LRRC9: variants seen among roughly 807,000 people sequenced by gnomAD.
The protein encoded by LRRC9 is leucine-rich repeat-containing protein 9.
LRRC9 carries 122 observed loss-of-function variants against 63.2 expected under a neutral mutation model. That is an observed-to-expected ratio of 1.93 (90% CI 1.67 to 2.24). The LOEUF (loss-of-function observed/expected upper bound fraction) is 2.24. Among genes scored for constraint, LRRC9 ranks in the 30% most tolerant of loss-of-function variants. LRRC9 has a pLI of 0.00. For synonymous variants in LRRC9, 366 were observed against 213.1 expected, an observed-to-expected ratio of 1.72 and a Z score of -6.25; for missense variants, 1,071 against 627.7, an observed-to-expected ratio of 1.71 and a Z score of -7.55.
chr14:60,006,248 G>C (rs1452435846), intron 21 of LRRC9, 149 bp from the exon 22 acceptor site: 2 of 517,712 alleles, frequency 3.9e-6, no homozygotes, highest in Non-Finnish European at 6.8e-6. Flanking sequence ...CCAAAACAAA[G>C]GCTTAAAGCA....
chr14:60,014,776 TCTTA>T (rs1270522147), intron 23 of LRRC9, among the ~76,000 whole-genome samples: 2 of 152,252 alleles, frequency 1.3e-5, no homozygotes, highest in African/African-American at 4.8e-5. Context: ...TTGCTTAGCT[TCTTA>T]CTTAGTTTCT....
chr14:59,952,339 T>A (rs938796612), intron 8 of LRRC9, among the ~76,000 whole-genome samples: 2 of 152,314 alleles, frequency 1.3e-5, no homozygotes, highest in Admixed American at 6.5e-5. Context: ...GGTGAGGCAA[T>A]GCCTCGCCTT....
chr14:60,018,211 ATCAT>A (rs1171498287), intron 24 of LRRC9, 156 bp from the exon 25 acceptor site: 3 of 561,346 alleles, frequency 5.3e-6, no homozygotes, highest in African/African-American at 1.9e-5. Flanking sequence ...TATTCAGCCG[ATCAT>A]TTAACCAATT....
chr14:59,937,532 G>A (rs1881166627), intron 6 of LRRC9, among the ~76,000 whole-genome samples: 1 of 152,044 alleles, frequency 6.6e-6, no homozygotes, highest in Admixed American at 6.6e-5. Flanking sequence ...AGGTAAAATT[G>A]GGGTGAAGTT....
At chr14:59,920,929 A>G (rs1270412172) in intron 1 of LRRC9, among the ~76,000 whole-genome samples, 1 of 152,212 alleles carries the variant, frequency 6.6e-6, no homozygotes, top group Non-Finnish European at 1.5e-5. Context: ...TCTGCCTTCA[A>G]TGAACATGTA....
At position 59,931,952 on chromosome 14, in the gene LRRC9, T is replaced by C; in HGVS notation, c.473-17T>C. 1.4e-6 allele frequency: 1 copy of C among 697,176 alleles called. No homozygotes were observed. Among genetic ancestry groups the C allele is most frequent in the Non-Finnish European group, 2.6e-6 (1 of 382,860 alleles). The allele number at this position is 697,176 out of a possible 1,614,324, so 43.2% of individuals were successfully genotyped here. Reference sequence around the variant, plus strand: ...AGAAGGTAAAATAATTGAATTCTTTTCGTCTATTTTTTAAAGGTCGATGTC... The same window carrying C: ...AGAAGGTAAAATAATTGAATTCTTTCCGTCTATTTTTTAAAGGTCGATGTC... On this transcript the variant is annotated splice_polypyrimidine_tract_variant and intron_variant, in intron 5 of 31. Coordinates refer to ENST00000445360, the Ensembl canonical transcript of LRRC9.
intron 12 of LRRC9, among the ~76,000 whole-genome samples, chr14:59,968,744 A>G (rs986784948): frequency 4.6e-5 from 7 of 152,146 alleles, no homozygotes; most frequent in African/African-American, 1.7e-4. Flanking sequence ...GGATGAGGCT[A>G]ACACTTCTGT....
intron 10 of LRRC9, among the ~76,000 whole-genome samples, chr14:59,961,492 G>A (rs1482020834): frequency 2.0e-5 from 3 of 152,198 alleles, no homozygotes. Context: ...TGCCAACATG[G>A]GAGGAGACTG....
At chr14:60,008,548 C>G (rs1890001230) in intron 23 of LRRC9, among the ~76,000 whole-genome samples, 1 of 152,086 alleles carries the variant, frequency 6.6e-6, no homozygotes. Context: ...AGCCTAAAAG[C>G]AGCTTTCTAT....
intron 27 of LRRC9, among the ~76,000 whole-genome samples, chr14:60,023,128 A>T (rs1342591153): frequency 1.3e-5 from 2 of 152,040 alleles, no homozygotes; most frequent in African/African-American, 4.8e-5. Flanking sequence ...CTTAAAAAAC[A>T]ATAAAAAAAA....
Position 60,027,150 on chromosome 14 carries a change from G to A in LRRC9, c.3704-734G>A, listed in dbSNP as rs547998725. 1.1e-4 allele frequency among the ~76,000 whole-genome samples: 16 copies of A among 152,076 alleles called. No individual in the cohort carries two copies. The highest frequency in any genetic ancestry group is 3.9e-4 in the African/African-American group (16 of 41,518). ...TTAGGCCTGATACTGCCATTTTTAT[G>A]TCTTTGAGAAAGCCACTTAATTTCT... is the stretch of plus-strand genomic sequence containing the variant. On this transcript the variant is annotated intron_variant, in intron 27 of 31. Transcript: ENST00000445360. The surrounding 1 kb of genome is among the most constrained non-coding windows in gnomAD (Gnocchi z 4.0).
intron 8 of LRRC9, among the ~76,000 whole-genome samples, chr14:59,957,944 A>G (rs1302401306): frequency 6.6e-6 from 1 of 152,186 alleles, no homozygotes; most frequent in Non-Finnish European, 1.5e-5. Context: ...TCACTTGGGT[A>G]TCAGCAGTGG....
At chr14:60,032,578 T>G (rs916749936) in intron 29 of LRRC9, among the ~76,000 whole-genome samples, 2 of 152,192 alleles carry the variant, frequency 1.3e-5, no homozygotes, top group Admixed American at 1.3e-4. Flanking sequence ...CCTTTCCTGT[T>G]GGAATCTTTG....
chr14:60,043,663 T>C (rs1002005541), intron 29 of LRRC9, among the ~76,000 whole-genome samples: 1 of 152,136 alleles, frequency 6.6e-6, no homozygotes, highest in Non-Finnish European at 1.5e-5. Flanking sequence ...TGAATGATCT[T>C]TTTAATGTGT....
At chr14:60,062,071 T>C (rs1391513112) in intron 31 of LRRC9, 2 of 398,716 alleles carry the variant, frequency 5.0e-6, no homozygotes, top group African/African-American at 2.1e-5. Context: ...CATGCAGAAA[T>C]AGCTTTTCGG....
At chr14:60,029,242 C>A (rs1385697556) in intron 28 of LRRC9, among the ~76,000 whole-genome samples, 1 of 152,082 alleles carries the variant, frequency 6.6e-6, no homozygotes, top group Non-Finnish European at 1.5e-5. Flanking sequence ...TGGTATCAAG[C>A]TTTATAAATA....
rs1890166868 is a variant in LRRC9, at chr14:59,936,722, C to T, written c.544-1668C>T. ...TCCTTTTAGAGCAACTCTGCTTAGT[C>T]CTCCTCCCTGCATAGGCTCAGCCCA... On this transcript the variant is annotated intron_variant, in intron 6 of 31. Coordinates refer to ENST00000445360, the Ensembl canonical transcript of LRRC9. The surrounding 1 kb of genome is among the most constrained non-coding windows in gnomAD (Gnocchi z 4.2). 6.6e-6 allele frequency among the ~76,000 whole-genome samples: 1 copy of T among 152,158 alleles called. No individual in the cohort carries two copies. The highest frequency in any genetic ancestry group is 6.5e-5 in the Admixed American group (1 of 15,272).
Position 59,937,115 on chromosome 14 carries a change from G to C in LRRC9, c.544-1275G>C, listed in dbSNP as rs867142303. Among the ~76,000 whole-genome samples, 6 of 149,350 alleles carry C rather than the reference G, an allele frequency of 4.0e-5. No individual in the cohort carries two copies. The Admixed American group carries it at 4.0e-4, about 10-fold the overall frequency. On this transcript the variant is annotated intron_variant, in intron 6 of 31. Coordinates refer to ENST00000445360, the Ensembl canonical transcript of LRRC9. ...TAGTGCCTGCTGTGTTCTAAGTGCT[G>C]AGTGTTGAGAATACAATGTTAAACA...
chr14:60,063,544 CCT>C, exon 32 of LRRC9: 1 of 496,996 alleles, frequency 2.0e-6, no homozygotes, highest in Non-Finnish European at 3.6e-6. Flanking sequence ...TTTAATATCA[CCT>C]CTCTTAAACT....
Sources: allele counts gnomAD v4.1 joint callset (sites outside exome capture counted in the v4.1 genomes callset), GRCh38; gene constraint gnomAD v4.1.1; non-coding constraint Gnocchi (gnomAD v3.1); transcripts MANE v1.5; gene names NCBI Gene and HGNC (gene_info 2026-07-23, HGNC 2026-07-21).